The following VGF variants were observed in gnomAD, a reference collection of about 807,000 sequenced individuals.
VGF encodes VGF nerve growth factor inducible.
A neutral mutation model predicts 41.1 loss-of-function variants in VGF; 13 were observed. The ratio of observed to expected loss-of-function variants is 0.32; its 90% CI spans 0.21 to 0.50. VGF has a LOEUF of 0.50. Ranked by LOEUF, VGF falls within the 20% of genes least tolerant of loss-of-function variation. The probability of loss-of-function intolerance (pLI) is 0.98; values close to 1 mark genes in which losing one functional copy is unlikely to be tolerated. For synonymous variants in VGF, 473 were observed against 418.3 expected, an observed-to-expected ratio of 1.13 and a Z score of -1.60; for missense variants, 920 against 882.1, an observed-to-expected ratio of 1.04 and a Z score of -0.54.
Position 101,165,427 on chromosome 7 carries a change from CAG to C in VGF, c.-76_-75del, listed in dbSNP as rs1377849467. ...GAGGAGGGTCGGGGCAGGGTGGGGA[CAG>C]GGGAAGATCGGGACGCGTCCGCCTC... On this transcript the variant is annotated 5_prime_UTR_variant, in exon 1 of 2. Transcript: ENST00000249330. 8 of 985,192 alleles carry C rather than the reference CAG, an allele frequency of 8.1e-6. No homozygotes were observed. The highest frequency in any genetic ancestry group is 1.7e-5 in the African/African-American group (1 of 57,196). 61.0% of individuals were successfully genotyped at this position (985,192 alleles called of 1,614,324 possible). A position where few individuals can be genotyped will look rare whatever the true frequency, so the allele number is the denominator to read the frequency against.
Position 101,162,689 on chromosome 7 carries a change from T to A in VGF, c.*307A>T. On this transcript the variant is annotated 3_prime_UTR_variant, in exon 2 of 2. Transcript: ENST00000249330. This position sits in a 1 kb window ranked among gnomAD's most constrained non-coding sequence, Gnocchi z 4.2. ...CACACAATTAACTGGAACTGCTTTTTCCGGTTTCCGACGGGGACGTCCCCA... is the reference window on the plus strand; with the variant it reads ...CACACAATTAACTGGAACTGCTTTTACCGGTTTCCGACGGGGACGTCCCCA... The A allele has an allele frequency of 2.0e-6, 1 of 506,742 alleles. No individual in the cohort carries two copies. The highest frequency in any genetic ancestry group is 1.6e-5 in the South Asian group (1 of 60,962). The allele number at this position is 506,742 out of a possible 1,614,324, so 31.4% of individuals were successfully genotyped here. A position where few individuals can be genotyped will look rare whatever the true frequency, so the allele number is the denominator to read the frequency against.
chr7:101,167,935 G>A (rs1165845702), upstream of VGF, among the ~76,000 whole-genome samples: 1 of 151,662 alleles, frequency 6.6e-6, no homozygotes, highest in East Asian at 1.9e-4. The surrounding 1 kb of genome is among the most constrained non-coding windows in gnomAD (Gnocchi z 4.2). Flanking sequence ...TTCTATTCCA[G>A]TCTGTGTGGC....
At position 101,163,591 on chromosome 7, in the gene VGF, T is replaced by G; in HGVS notation, c.1253A>C (p.Lys418Thr). ...GCCCGGCGTCTCCTCCTGGGAGCGC[T>G]TGTCCTCGGCGCCGGCTTCCCCGTC... ...EEDGEAGAED[K>T]RSQEETPGHR... The change falls in exon 2 of 2, where the codon AAG becomes ACG. Residue 418 changes from lysine to threonine, a missense_variant. Lys to Thr is a moderately conservative substitution (Grantham distance 78). Around this residue, in one of 3 missense-constraint regions of VGF, gnomAD observed 654 missense variants for 638.4 expected, o/e 1.02. Coordinates refer to ENST00000249330, the MANE Select transcript of VGF (RefSeq NM_003378.4). This position sits in a 1 kb window ranked among gnomAD's most constrained non-coding sequence, Gnocchi z 5.0. The G allele has an allele frequency of 6.4e-7, 1 of 1,566,232 alleles. No individual in the cohort carries two copies. Among genetic ancestry groups the G allele is most frequent in the Non-Finnish European group, 8.6e-7 (1 of 1,156,668 alleles).
upstream of VGF, among the ~76,000 whole-genome samples, chr7:101,168,865 C>T (rs1477077521): frequency 6.6e-6 from 1 of 152,192 alleles, no homozygotes; most frequent in Non-Finnish European, 1.5e-5. Context: ...CGGTGACTCA[C>T]CTCTGCAGCC....
chr7:101,166,085 G>A (rs1467418913), upstream of VGF, among the ~76,000 whole-genome samples: 2 of 152,128 alleles, frequency 1.3e-5, no homozygotes, highest in East Asian at 3.9e-4. Flanking sequence ...CCAGGGGGCC[G>A]GGTTCCCCAC....
In VGF at chr7:101,164,555, G is replaced by T; in HGVS notation, c.289C>A (p.Pro97Thr). ...LQALDRPASP[P>T]APSGSQQGPE... The stretch of plus-strand genomic sequence containing the variant: ...CCCTGCTGGGAGCCGCTTGGTGCCG[G>T]GGGTGAGGCGGGACGGTCGAGTGCC... Residue 97 changes from proline to threonine, a missense_variant, in exon 2 of 2, where the codon CCG (proline) becomes ACG (threonine). Coordinates refer to ENST00000249330, the MANE Select transcript of VGF (RefSeq NM_003378.4). 6.3e-7 allele frequency: 1 copy of T among 1,599,356 alleles called. No homozygotes were observed. Among genetic ancestry groups the T allele is most frequent in the Non-Finnish European group, 8.5e-7 (1 of 1,177,568 alleles).
chr7:101,167,182 T>C (rs1797234939), upstream of VGF, among the ~76,000 whole-genome samples: 1 of 152,088 alleles, frequency 6.6e-6, no homozygotes, highest in Admixed American at 6.5e-5. The surrounding 1 kb of genome is among the most constrained non-coding windows in gnomAD (Gnocchi z 4.2). Context: ...GGCTTCTCGC[T>C]TCCATCAGTG....
upstream of VGF, among the ~76,000 whole-genome samples, chr7:101,168,005 G>C (rs988128911): frequency 1.2e-4 from 16 of 138,010 alleles, no homozygotes; most frequent in African/African-American, 3.9e-4. Context: ...GTGTGTGCTG[G>C]GTTGTTTTTT....
chr7:101,163,281 C>T lies in VGF; in HGVS notation c.1563G>A (p.Pro521=). The T allele has an allele frequency of 3.4e-6, 5 of 1,485,772 alleles. No homozygotes were observed. Among genetic ancestry groups the T allele is most frequent in the Non-Finnish European group, 4.4e-6 (5 of 1,126,472 alleles). 92.0% of individuals were successfully genotyped at this position (1,485,772 alleles called of 1,614,324 possible). Residue 521 remains proline (P), a synonymous_variant, in exon 2 of 2, where the codon CCG becomes CCA. Coordinates refer to ENST00000249330, the MANE Select transcript of VGF (RefSeq NM_003378.4). The surrounding 1 kb of genome is among the most constrained non-coding windows in gnomAD (Gnocchi z 5.0). ...AGGGCGGGAGCACCTCGTTCCAGTCCGGCAGCTCGTCTCGTGCGGGAGCGG... is the reference window on the plus strand; with the variant it reads ...AGGGCGGGAGCACCTCGTTCCAGTCTGGCAGCTCGTCTCGTGCGGGAGCGG... The part of the protein sequence containing the change: ...PAPAPARDEL[P]DWNEVLPPWD...
chr7:101,167,137 A>G (rs1043749863), upstream of VGF, among the ~76,000 whole-genome samples: 1 of 151,802 alleles, frequency 6.6e-6, no homozygotes, highest in Non-Finnish European at 1.5e-5. This position sits in a 1 kb window ranked among gnomAD's most constrained non-coding sequence, Gnocchi z 4.2. Context: ...CTCCCTACAC[A>G]CACACTCACG....
At position 101,162,959 on chromosome 7, in the gene VGF, C is replaced by T; in HGVS notation, c.*37G>A. ...GGAGGGGGGCGCCGGCGCGCGCGCG[C>T]GGCGGGGGCGCGCGGGGGCGGGACC... On this transcript the variant is annotated 3_prime_UTR_variant, in exon 2 of 2. Transcript: ENST00000249330. The surrounding 1 kb of genome is among the most constrained non-coding windows in gnomAD (Gnocchi z 4.2). 1 of 1,118,044 alleles carries T rather than the reference C, an allele frequency of 8.9e-7. No individual in the cohort carries two copies. Among genetic ancestry groups the T allele is most frequent in the Non-Finnish European group, 1.2e-6 (1 of 866,628 alleles). The allele number at this position is 1,118,044 out of a possible 1,614,324, so 69.3% of individuals were successfully genotyped here. A position where few individuals can be genotyped will look rare whatever the true frequency, so the allele number is the denominator to read the frequency against.
chr7:101,164,602 G>T lies in VGF; in HGVS notation c.242C>A (p.Ala81Glu), dbSNP rs369897306. 8.8e-6 allele frequency: 14 copies of T among 1,598,872 alleles called. No homozygotes were observed. Among genetic ancestry groups the T allele is most frequent in the Non-Finnish European group, 1.2e-5 (14 of 1,174,662 alleles). Reference sequence around the variant, plus strand: ...TGCCTGCAGCAGCACCGCGGCCAGCGCCCGGGGATCCACGCCCTGGAAAAG... The same window carrying T: ...TGCCTGCAGCAGCACCGCGGCCAGCTCCCGGGGATCCACGCCCTGGAAAAG... ...GELFQGVDPRALAAVLLQALD... is the reference protein window; with the variant it reads ...GELFQGVDPRELAAVLLQALD... The change falls in exon 2 of 2, where the codon GCG (alanine) becomes GAG (glutamate). Residue 81 changes from alanine to glutamate, a missense_variant. By Grantham distance (107) the Ala-to-Glu change is moderately radical (BLOSUM62 -1). Around this residue, in one of 3 missense-constraint regions of VGF, gnomAD observed 654 missense variants for 638.4 expected, o/e 1.02. Coordinates refer to ENST00000249330, the MANE Select transcript of VGF (RefSeq NM_003378.4).
rs1797175282 is a variant in VGF, at chr7:101,164,248, C to T, written c.596G>A (p.Ser199Asn). 1 of 1,590,942 alleles carries T rather than the reference C, an allele frequency of 6.3e-7. No homozygotes were observed. The highest frequency in any genetic ancestry group is 1.3e-5 in the African/African-American group (1 of 74,560). ...GCGCCATACGCGCTCTGGCCCCGGGCTCTCCAGATTCACTCGGGTCAGCGT... is the reference window on the plus strand; with the variant it reads ...GCGCCATACGCGCTCTGGCCCCGGGTTCTCCAGATTCACTCGGGTCAGCGT... ...THTLTRVNLESPGPERVWRAS... is the reference protein window; with the variant it reads ...THTLTRVNLENPGPERVWRAS... Residue 199 changes from serine to asparagine, a missense_variant, in exon 2 of 2, where the codon AGC becomes AAC. By Grantham distance (46) the Ser-to-Asn change is conservative. Around this residue, in one of 3 missense-constraint regions of VGF, gnomAD observed 654 missense variants for 638.4 expected, o/e 1.02. Coordinates refer to ENST00000249330, the MANE Select transcript of VGF (RefSeq NM_003378.4).
upstream of VGF, among the ~76,000 whole-genome samples, chr7:101,169,721 G>A (rs1307365297): frequency 6.6e-5 from 10 of 152,024 alleles, no homozygotes. Context: ...CCGTCCACAC[G>A]CACATAGTAA....
chr7:101,163,286 G>C lies in VGF; in HGVS notation c.1558C>G (p.Leu520Val), dbSNP rs1482122465. The change falls in exon 2 of 2, where the codon CTG (leucine) becomes GTG (valine). Residue 520 changes from leucine (L) to valine (V), a missense_variant. Physicochemically the swap from Leu to Val is conservative, Grantham distance 32. Transcript: ENST00000249330. The surrounding 1 kb of genome is among the most constrained non-coding windows in gnomAD (Gnocchi z 5.0). ...PPAPAPARDE[L>V]PDWNEVLPPW... ...GGGAGCACCTCGTTCCAGTCCGGCA[G>C]CTCGTCTCGTGCGGGAGCGGGGGCG... 8 of 1,497,946 alleles carry C rather than the reference G, an allele frequency of 5.3e-6. No individual in the cohort carries two copies. Among genetic ancestry groups the C allele is most frequent in the Non-Finnish European group, 7.1e-6 (8 of 1,133,174 alleles). 92.8% of individuals were successfully genotyped at this position (1,497,946 alleles called of 1,614,324 possible).
rs1270479173 is a variant in VGF at position 101,164,397 on chromosome 7, C to A, written c.447G>T (p.Ala149=). Residue 149 remains alanine, a synonymous_variant, in exon 2 of 2, where the codon GCG becomes GCT. Transcript: ENST00000249330. Reference sequence around the variant, plus strand: ...CCTCGAGCTCCTCGGAGGGATCGCTCGCCTCGGGCCCATTCTCCGGAGTCT... The same window carrying A: ...CCTCGAGCTCCTCGGAGGGATCGCTAGCCTCGGGCCCATTCTCCGGAGTCT... The part of the protein sequence containing the change: ...RPQTPENGPE[A]SDPSEELEAL... 1.2e-6 allele frequency: 2 copies of A among 1,610,944 alleles called. No individual in the cohort carries two copies. Among genetic ancestry groups the A allele is most frequent in the East Asian group, 2.2e-5 (1 of 44,856 alleles).
chr7:101,164,789 C>G lies in VGF; in HGVS notation c.55G>C (p.Gly19Arg), dbSNP rs1797191709. Residue 19 changes from glycine (G) to arginine (R), a missense_variant, in exon 2 of 2, where the codon GGG becomes CGG. Gly to Arg is a moderately radical substitution (Grantham distance 125). Transcript: ENST00000249330. ...SALFCLLLIN[G>R]LGAAPPGRPE... ...CGACCAGGGGGTGCTGCCCCTAACC[C>G]GTTGATCAGCAGAAGGCAGAAGAGG... is the stretch of plus-strand genomic sequence containing the variant. The G allele has an allele frequency of 6.3e-7, 1 of 1,599,670 alleles. No individual in the cohort carries two copies. Among genetic ancestry groups the G allele is most frequent in the Non-Finnish European group, 8.5e-7 (1 of 1,169,876 alleles).
intron 1 of VGF, 148 bp from the exon 2 acceptor site, chr7:101,165,011 A>G: frequency 7.3e-7 from 1 of 1,364,140 alleles, no homozygotes; most frequent in Non-Finnish European, 9.5e-7. Context: ...TTAGGAGCAA[A>G]GGAGGAAGAT....
In VGF at chr7:101,164,389, G is replaced by A. The variant is rs763822742; in HGVS notation, c.455C>T (p.Pro152Leu). 2 of 1,611,448 alleles carry A rather than the reference G, an allele frequency of 1.2e-6. No homozygotes were observed. The highest frequency in any genetic ancestry group is 2.2e-5 in the South Asian group (2 of 91,076). Residue 152 changes from proline to leucine, a missense_variant, in exon 2 of 2, where the codon CCC becomes CTC. Physicochemically the swap from Pro to Leu is moderately conservative, Grantham distance 98. Transcript: ENST00000249330. ...TPENGPEASD[P>L]SEELEALASL... ...CGCTAGCGCCTCGAGCTCCTCGGAG[G>A]GATCGCTCGCCTCGGGCCCATTCTC...
Sources: allele counts gnomAD v4.1 joint callset (sites outside exome capture counted in the v4.1 genomes callset), GRCh38; gene constraint gnomAD v4.1.1; regional missense constraint gnomAD v4.1.1; non-coding constraint Gnocchi (gnomAD v3.1); transcripts MANE v1.5; gene names NCBI Gene and HGNC (gene_info 2026-07-23, HGNC 2026-07-21).